CLVS1: variants seen among roughly 807,000 people sequenced by gnomAD.
The protein encoded by CLVS1 is clavesin-1.
In CLVS1, 10 loss-of-function variants were observed where a neutral mutation model predicts 33.1. The ratio of observed to expected loss-of-function variants is 0.30; its 90% CI spans 0.19 to 0.51. The LOEUF is 0.51. Ranked by LOEUF, CLVS1 falls within the 20% of genes least tolerant of loss-of-function variation. The pLI, the probability that CLVS1 is intolerant of heterozygous loss-of-function variation, is 0.97. For synonymous variants in CLVS1, 163 were observed against 166.1 expected (o/e 0.98, Z 0.14); for missense variants, 343 against 433.4 (o/e 0.79, Z 1.85).
At chr8:60,971,162 G>A in the CLVS1 span, among the ~76,000 whole-genome samples, 47 of 135,354 alleles carry the variant, frequency 3.5e-4, no homozygotes, top group Middle Eastern at 4.4e-3. Flanking sequence ...CTGCAACCTC[G>A]ACCTCCTTAG....
chr8:61,272,517 T>C (rs1440866820), intron 2 of CLVS1, among the ~76,000 whole-genome samples: 1 of 152,144 alleles, frequency 6.6e-6, no homozygotes, highest in Non-Finnish European at 1.5e-5. Flanking sequence ...GTTCTCTGTA[T>C]TTCCTGAATC....
intron 2 of CLVS1, among the ~76,000 whole-genome samples, chr8:61,200,334 TG>T (rs1807701887): frequency 6.6e-6 from 1 of 152,206 alleles, no homozygotes. Context: ...TTTGCCAGGC[TG>T]GTGTCAAACT....
intron 2 of CLVS1, among the ~76,000 whole-genome samples, chr8:61,346,222 G>A (rs921299274): frequency 6.6e-6 from 1 of 152,076 alleles, no homozygotes; most frequent in African/African-American, 2.4e-5. Flanking sequence ...CACTCTAAAC[G>A]ATTACATCAG....
rs549460416 is a variant in CLVS1 at position 61,096,952 on chromosome 8, A to G, written c.-242-34818A>G. ...TTTTCAGCATCTGTAGCAGAAATGC[A>G]TGGATCCTGCAGGATTCTGTGAACG... On this transcript the variant is annotated intron_variant, in intron 1 of 2. Coordinates refer to the CLVS1 transcript ENST00000522621. Among the ~76,000 whole-genome samples the G allele has an allele frequency of 3.9e-5, 6 of 152,330 alleles. No individual in the cohort carries two copies. In the East Asian group the frequency reaches 1.2e-3, roughly 29 times the overall value.
chr8:61,143,797 ATAT>A (rs1314010452), intron 2 of CLVS1, among the ~76,000 whole-genome samples: 1 of 147,612 alleles, frequency 6.8e-6, no homozygotes, highest in Non-Finnish European at 1.5e-5. Flanking sequence ...TATATACATA[ATAT>A]TCTCATATTT....
the CLVS1 span, among the ~76,000 whole-genome samples, chr8:61,038,557 T>C: frequency 1.3e-5 from 2 of 152,008 alleles, no homozygotes; most frequent in Non-Finnish European, 2.9e-5. Context: ...AGTCAGGCAA[T>C]TTTATATTGT....
intron 2 of CLVS1, among the ~76,000 whole-genome samples, chr8:61,270,312 A>G (rs897810530): frequency 2.0e-5 from 3 of 152,210 alleles, no homozygotes; most frequent in Non-Finnish European, 4.4e-5. Flanking sequence ...ATGCTGGATT[A>G]GATTTATTGA....
chr8:61,456,956 G>A (rs1302304832), intron 4 of CLVS1, among the ~76,000 whole-genome samples: 10 of 148,466 alleles, frequency 6.7e-5, no homozygotes, highest in African/African-American at 2.2e-4. Flanking sequence ...TTTTTTTCCC[G>A]AGTTGGAGTC....
the CLVS1 span, among the ~76,000 whole-genome samples, chr8:61,033,037 GAA>G: frequency 3.2e-3 from 341 of 105,664 alleles, 11 homozygotes; most frequent in Middle Eastern, 4.5e-3. Flanking sequence ...AAGAAAGAAA[GAA>G]AGAAAGAAAA....
chr8:61,356,121 T>C (rs984583795), intron 2 of CLVS1, among the ~76,000 whole-genome samples: 3 of 151,898 alleles, frequency 2.0e-5, no homozygotes, highest in African/African-American at 7.3e-5. Context: ...TGGTGTGAGA[T>C]GGTATCTCAT....
intron 2 of CLVS1, among the ~76,000 whole-genome samples, chr8:61,330,864 A>T (rs137918441): frequency 7.8e-4 from 119 of 151,664 alleles, no homozygotes; most frequent in African/African-American, 2.7e-3. Flanking sequence ...CTAAGCCAGG[A>T]GGATTGTTTG....
At chr8:61,491,437 G>A (rs1804085626) in intron 5 of CLVS1, among the ~76,000 whole-genome samples, 1 of 152,196 alleles carries the variant, frequency 6.6e-6, no homozygotes, top group South Asian at 2.1e-4. Context: ...GTCATCTGCA[G>A]TCATAAAGTT....
chr8:61,347,630 A>T (rs1195339586), intron 2 of CLVS1, among the ~76,000 whole-genome samples: 4 of 414 alleles, frequency 9.7e-3, no homozygotes, highest in South Asian at 0.1. Flanking sequence ...ATTCCATTAT[A>T]TATATATATA....
chr8:61,276,178 A>G (rs769676773), intron 2 of CLVS1, among the ~76,000 whole-genome samples: 2 of 152,226 alleles, frequency 1.3e-5, no homozygotes, highest in Non-Finnish European at 2.9e-5. Context: ...AATGAAGGAC[A>G]AAATCCAGAT....
intron 2 of CLVS1, among the ~76,000 whole-genome samples, chr8:61,203,803 T>C (rs143122379): frequency 5.6e-4 from 85 of 152,298 alleles, no homozygotes; most frequent in African/African-American, 1.8e-3. Flanking sequence ...CTTACACAGA[T>C]TGCTAGCATC....
At chr8:61,462,825 A>G (rs1034235046) in intron 5 of CLVS1, among the ~76,000 whole-genome samples, 2 of 152,174 alleles carry the variant, frequency 1.3e-5, no homozygotes, top group Non-Finnish European at 2.9e-5. Context: ...TAGGATGTTT[A>G]GAATGGTAAA....
intron 2 of CLVS1, among the ~76,000 whole-genome samples, chr8:61,339,746 A>AGAAGGAGGGAGGGAGAAAGAGG (rs1811946293): frequency 6.7e-6 from 1 of 149,536 alleles, no homozygotes; most frequent in African/African-American, 2.5e-5. Flanking sequence ...AGAGAAAGAG[A>AGAAGGAGGGAGGGAGAAAGAGG]GAAGGAGGGA....
chr8:60,996,547 C>T, the CLVS1 span, among the ~76,000 whole-genome samples: 11 of 152,190 alleles, frequency 7.2e-5, no homozygotes, highest in African/African-American at 2.4e-4. Flanking sequence ...CTCTTGGACC[C>T]TCTACCACCA....
intron 3 of CLVS1, among the ~76,000 whole-genome samples, chr8:61,381,476 T>A (rs1261666359): frequency 1.3e-5 from 2 of 152,162 alleles, no homozygotes; most frequent in Non-Finnish European, 2.9e-5. Context: ...ACATGTGCAG[T>A]TCTGTTACGT....
Sources: gnomAD v4.1 joint callset for allele counts (sites outside exome capture counted in the v4.1 genomes callset) on GRCh38, gnomAD v4.1.1 for gene constraint, MANE v1.5 for transcripts, NCBI Gene and HGNC (gene_info 2026-07-23, HGNC 2026-07-21) for gene names.